TRA2A: variants seen among roughly 807,000 people sequenced by gnomAD.
TRA2A encodes transformer-2 protein homolog alpha.
Under a neutral mutation model 45.7 loss-of-function variants are expected in TRA2A, and 31 were observed. The observed-to-expected ratio is 0.68, with a 90% confidence interval of 0.51 to 0.92. The LOEUF (loss-of-function observed/expected upper bound fraction) is 0.92. Among genes scored for constraint, TRA2A ranks in the 40% least tolerant of loss-of-function variants. The probability of loss-of-function intolerance (pLI) is 0.00; values close to 1 mark genes in which losing one functional copy is unlikely to be tolerated. For missense variants in TRA2A, 304 were observed against 367.5 expected, an observed-to-expected ratio of 0.83 and a Z score of 1.41; for synonymous variants, 132 against 126.2, an observed-to-expected ratio of 1.05 and a Z score of -0.31.
intron 4 of TRA2A, among the ~76,000 whole-genome samples, chr7:23,509,161 C>T (rs1057409600): frequency 6.6e-6 from 1 of 152,080 alleles, no homozygotes. Flanking sequence ...AACTTTACAT[C>T]ACATAAATGT....
At chr7:23,510,114 G>A (rs1051152080) in intron 4 of TRA2A, among the ~76,000 whole-genome samples, 8 of 152,286 alleles carry the variant, frequency 5.3e-5, no homozygotes, top group Non-Finnish European at 1.2e-4. Context: ...CTAAAGACTG[G>A]AGACAGTCTC....
chr7:23,510,368 T>C (rs1789543878), intron 4 of TRA2A, among the ~76,000 whole-genome samples: 1 of 152,158 alleles, frequency 6.6e-6, no homozygotes, highest in Non-Finnish European at 1.5e-5. Context: ...CTCACTCTGT[T>C]GCCCAGGCTG....
At chr7:23,517,773 G>A (rs1242308023) in intron 2 of TRA2A, among the ~76,000 whole-genome samples, 8 of 150,772 alleles carry the variant, frequency 5.3e-5, no homozygotes, top group Admixed American at 2.6e-4. Context: ...TTAGCTGGGC[G>A]TGGTGGCGCA....
intron 4 of TRA2A, among the ~76,000 whole-genome samples, chr7:23,511,666 T>C (rs1789628324): frequency 6.6e-6 from 1 of 151,994 alleles, no homozygotes; most frequent in Non-Finnish European, 1.5e-5. Flanking sequence ...GGAGGAACAG[T>C]TGAGGCCAGG....
chr7:23,505,420 CA>C lies in TRA2A; in HGVS notation c.*138del, dbSNP rs1271700385. 1.1e-5 allele frequency: 5 copies of C among 471,488 alleles called. No homozygotes were observed. The highest frequency in any genetic ancestry group is 3.3e-5 in the East Asian group (1 of 30,218). The allele number at this position is 471,488 out of a possible 1,614,324, so 29.2% of individuals were successfully genotyped here. A position where few individuals can be genotyped will look rare whatever the true frequency, so the allele number is the denominator to read the frequency against. On this transcript the variant is annotated 3_prime_UTR_variant, in exon 8 of 8. Transcript: ENST00000297071. ...GGGTGGAAAACAGCAACACAACTGA[CA>C]AAAGTGTAGATGCTAAATAAACCAA... is the stretch of plus-strand genomic sequence containing the variant.
chr7:23,529,466 G>C (rs1337823301), intron 1 of TRA2A, among the ~76,000 whole-genome samples: 1 of 151,978 alleles, frequency 6.6e-6, no homozygotes, highest in Non-Finnish European at 1.5e-5. Flanking sequence ...CACCACGTTG[G>C]GCAGGCTAGT....
chr7:23,520,756 T>C (rs1189257706), intron 2 of TRA2A, among the ~76,000 whole-genome samples: 1 of 149,242 alleles, frequency 6.7e-6, no homozygotes, highest in Non-Finnish European at 1.5e-5. Flanking sequence ...ACTGGCGCCA[T>C]CTCTTGGTTC....
In TRA2A at chr7:23,505,318, T is replaced by G; in HGVS notation, c.*241A>C. The G allele has an allele frequency of 5.1e-6, 2 of 395,186 alleles. No individual in the cohort carries two copies. The highest frequency in any genetic ancestry group is 3.7e-5 in the East Asian group (1 of 27,212). The allele number at this position is 395,186 out of a possible 1,614,324, so 24.5% of individuals were successfully genotyped here. ...AAAATTTACAAAGCATAACATAACA[T>G]TGGGGTTCTTTTTATACTCAAGATG... is the stretch of plus-strand genomic sequence containing the variant. On this transcript the variant is annotated 3_prime_UTR_variant, in exon 8 of 8. Coordinates refer to ENST00000297071, the MANE Select transcript of TRA2A (RefSeq NM_013293.5).
At chr7:23,519,936 A>C (rs78169546) in intron 2 of TRA2A, among the ~76,000 whole-genome samples, 2,505 of 152,328 alleles carry the variant, frequency 0.016, 78 homozygotes, top group African/African-American at 0.057. Context: ...TGAGACAATA[A>C]AATTCTTCCA....
At chr7:23,512,814 A>G (rs1789688669) in intron 4 of TRA2A, 80 bp downstream of exon 4, 9 of 1,106,838 alleles carry the variant, frequency 8.1e-6, no homozygotes, top group African/African-American at 3.2e-5. Context: ...AAAGGATGCA[A>G]TGTTTACAGA....
At chr7:23,519,066 C>T (rs749614489) in intron 2 of TRA2A, among the ~76,000 whole-genome samples, 2 of 152,158 alleles carry the variant, frequency 1.3e-5, no homozygotes, top group Non-Finnish European at 2.9e-5. Context: ...TGCTCTAATT[C>T]CCAGTTGCTT....
At chr7:23,530,850 T>C (rs1357317206) in intron 1 of TRA2A, among the ~76,000 whole-genome samples, 2 of 152,206 alleles carry the variant, frequency 1.3e-5, no homozygotes, top group Non-Finnish European at 2.9e-5. Context: ...ACTGACTAGT[T>C]ATCTTAAAAA....
At chr7:23,505,703 T>C in intron 7 of TRA2A, 43 bp downstream of exon 7, 1 of 1,324,676 alleles carries the variant, frequency 7.5e-7, no homozygotes, top group Non-Finnish European at 1.0e-6. Context: ...AGCCATTAAT[T>C]AGAAATGAGG....
At chr7:23,509,312 C>T (rs1019600900) in intron 4 of TRA2A, among the ~76,000 whole-genome samples, 4 of 152,074 alleles carry the variant, frequency 2.6e-5, no homozygotes, top group African/African-American at 7.3e-5. Context: ...GTACTTCTTA[C>T]TAAAACAGGG....
chr7:23,509,651 T>C (rs980019168), intron 4 of TRA2A, among the ~76,000 whole-genome samples: 3 of 150,452 alleles, frequency 2.0e-5, no homozygotes, highest in Non-Finnish European at 3.0e-5. Flanking sequence ...CAGAATTGCT[T>C]GAACCCGGGA....
At chr7:23,523,113 A>C (rs1422704154) in intron 1 of TRA2A, among the ~76,000 whole-genome samples, 1 of 152,152 alleles carries the variant, frequency 6.6e-6, no homozygotes, top group East Asian at 1.9e-4. Flanking sequence ...ATCACTTTAA[A>C]ATGCTCTATT....
intron 1 of TRA2A, among the ~76,000 whole-genome samples, chr7:23,529,479 C>G (rs1286818612): frequency 6.6e-6 from 1 of 152,060 alleles, no homozygotes; most frequent in African/African-American, 2.4e-5. Flanking sequence ...AGGCTAGTCT[C>G]GAACTCCTAA....
intron 2 of TRA2A, among the ~76,000 whole-genome samples, chr7:23,520,680 TA>T (rs1298901229): frequency 1.3e-4 from 18 of 136,468 alleles, no homozygotes; most frequent in African/African-American, 2.0e-4. Context: ...CAGGCTGTTT[TA>T]AATTTTTTTT....
At chr7:23,507,003 T>C (rs994888407) in intron 5 of TRA2A, among the ~76,000 whole-genome samples, 1 of 152,162 alleles carries the variant, frequency 6.6e-6, no homozygotes, top group East Asian at 1.9e-4. Context: ...GATCTCGTGA[T>C]CCACCCGCCT....
Sources: allele counts gnomAD v4.1 joint callset (sites outside exome capture counted in the v4.1 genomes callset), GRCh38; gene constraint gnomAD v4.1.1; transcripts MANE v1.5; gene names NCBI Gene and HGNC (gene_info 2026-07-23, HGNC 2026-07-21).